The following PHF14 variants were observed in gnomAD, a reference collection of about 807,000 sequenced individuals.
PHF14 encodes the protein PHD finger protein 14.
Under a neutral mutation model 117.9 loss-of-function variants are expected in PHF14, and 55 were observed. That is an observed-to-expected ratio of 0.47 (90% CI 0.38 to 0.58). The LOEUF (loss-of-function observed/expected upper bound fraction) is 0.58. Ranked by LOEUF, PHF14 falls within the 20% of genes least tolerant of loss-of-function variation. The pLI is 0.00. For synonymous variants in PHF14, 409 were observed against 368.6 expected (o/e 1.11, Z -1.26); for missense variants, 978 against 1,122.2 (o/e 0.87, Z 1.84).
At chr7:11,104,751 T>C (rs1787203550) in intron 16 of PHF14, 1 of 624,328 alleles carries the variant, frequency 1.6e-6, no homozygotes. Context: ...CTGCCCACTT[T>C]ACTCCCTCCC....
chr7:11,022,823 T>C, intron 5 of PHF14, 45 bp from the exon 6 acceptor site: 1 of 1,144,224 alleles, frequency 8.7e-7, no homozygotes, highest in Non-Finnish European at 1.3e-6. Context: ...TGTGTGGGAA[T>C]TTTATTAAAA....
chr7:10,980,034 C>T (rs1393163419), intron 2 of PHF14, among the ~76,000 whole-genome samples: 1 of 152,028 alleles, frequency 6.6e-6, no homozygotes, highest in East Asian at 1.9e-4. Context: ...ATCAAGGAGT[C>T]TCAATTTACC....
intron 17 of PHF14, among the ~76,000 whole-genome samples, chr7:11,138,389 A>T (rs1788302488): frequency 6.6e-6 from 1 of 152,226 alleles, no homozygotes; most frequent in South Asian, 2.1e-4. Context: ...ATGAAAAAAA[A>T]ACACAGTTGA....
At chr7:11,166,976 A>G (rs1789221162) in intron 17 of PHF14, among the ~76,000 whole-genome samples, 1 of 152,216 alleles carries the variant, frequency 6.6e-6, no homozygotes, top group African/African-American at 2.4e-5. Context: ...TAACTGGCAT[A>G]TCTATATATA....
At chr7:11,082,751 G>T (rs1388449120) in intron 16 of PHF14, among the ~76,000 whole-genome samples, 1 of 152,064 alleles carries the variant, frequency 6.6e-6, no homozygotes, top group Non-Finnish European at 1.5e-5. Flanking sequence ...GCTATGTCAG[G>T]AGCCTCTCTT....
At chr7:10,984,562 T>C (rs1186316232) in intron 3 of PHF14, among the ~76,000 whole-genome samples, 1 of 152,174 alleles carries the variant, frequency 6.6e-6, no homozygotes, top group African/African-American at 2.4e-5. Context: ...TAATACTCTA[T>C]ATATAATGAA....
chr7:11,105,021 A>T (rs370638008), intron 16 of PHF14: 12 of 901,856 alleles, frequency 1.3e-5, no homozygotes, highest in Middle Eastern at 1.1e-3. Context: ...TTTTAATTTT[A>T]TAAAATTTAG....
At chr7:11,013,969 C>A in intron 5 of PHF14, 63 bp downstream of exon 5, 1 of 1,063,554 alleles carries the variant, frequency 9.4e-7, no homozygotes, top group Admixed American at 2.1e-5. Context: ...TTTGACTTCC[C>A]TGTTCTTCTG....
chr7:11,058,537 G>A (rs142711618), intron 14 of PHF14, among the ~76,000 whole-genome samples: 79 of 152,214 alleles, frequency 5.2e-4, no homozygotes, highest in African/African-American at 1.8e-3. Flanking sequence ...AAATAAGAGT[G>A]CTGTAATTAC....
At chr7:10,993,974 A>G (rs1020213374) in intron 4 of PHF14, among the ~76,000 whole-genome samples, 4 of 151,256 alleles carry the variant, frequency 2.6e-5, no homozygotes, top group African/African-American at 9.8e-5. Flanking sequence ...GCGCCAGTGC[A>G]CTTTGGCCTG....
chr7:11,056,073 A>G (rs1383224062), intron 14 of PHF14, among the ~76,000 whole-genome samples: 3 of 152,160 alleles, frequency 2.0e-5, no homozygotes, highest in South Asian at 2.1e-4. Context: ...TAAAACCTCT[A>G]TCTGTCATAG....
At chr7:11,017,120 G>T (rs542839052) in intron 5 of PHF14, among the ~76,000 whole-genome samples, 1 of 152,212 alleles carries the variant, frequency 6.6e-6, no homozygotes, top group African/African-American at 2.4e-5. Context: ...TGTGTATTGT[G>T]TACCACAATT....
intron 16 of PHF14, chr7:11,104,732 A>T: frequency 1.5e-6 from 1 of 675,690 alleles, no homozygotes; most frequent in Non-Finnish European, 1.8e-6. Flanking sequence ...CCTCTCCTGG[A>T]TCTGCCCTCT....
chr7:11,094,372 A>T (rs1318893008), intron 16 of PHF14, among the ~76,000 whole-genome samples: 1 of 152,168 alleles, frequency 6.6e-6, no homozygotes, highest in East Asian at 1.9e-4. Context: ...CTTTTCTAGC[A>T]CTAGAGTTGT....
intron 3 of PHF14, among the ~76,000 whole-genome samples, chr7:10,984,600 C>T (rs1020473218): frequency 6.6e-6 from 1 of 152,108 alleles, no homozygotes; most frequent in Non-Finnish European, 1.5e-5. Context: ...ACATCACTTT[C>T]TTCATTTTTA....
chr7:11,107,751 C>T, intron 16 of PHF14: 1 of 857,624 alleles, frequency 1.2e-6, no homozygotes, highest in Non-Finnish European at 1.4e-6. Context: ...TATCCCTATA[C>T]TTTTGTGGGT....
At chr7:10,997,522 G>T (rs1782703386) in intron 4 of PHF14, among the ~76,000 whole-genome samples, 2 of 152,204 alleles carry the variant, frequency 1.3e-5, no homozygotes, top group African/African-American at 4.8e-5. Flanking sequence ...TATTTCACAT[G>T]ATTTCTAAGG....
intron 2 of PHF14, among the ~76,000 whole-genome samples, chr7:10,978,799 T>C (rs1781956405): frequency 6.6e-6 from 1 of 152,086 alleles, no homozygotes; most frequent in Non-Finnish European, 1.5e-5. Context: ...CATTGCCAGT[T>C]GTCCTCTGGG....
intron 17 of PHF14, among the ~76,000 whole-genome samples, chr7:11,117,647 ATT>A (rs967403899): frequency 2.3e-5 from 2 of 87,638 alleles, no homozygotes; most frequent in African/African-American, 7.7e-5. Context: ...ATAAATATAT[ATT>A]TTCAAGTAAA....
Sources: allele counts gnomAD v4.1 joint callset (sites outside exome capture counted in the v4.1 genomes callset), GRCh38; gene constraint gnomAD v4.1.1; transcripts MANE v1.5; gene names NCBI Gene and HGNC (gene_info 2026-07-23, HGNC 2026-07-21).